AKAP13: variants seen among roughly 807,000 people sequenced by gnomAD.
AKAP13 encodes A-kinase anchoring protein 13.
AKAP13 carries 80 observed loss-of-function variants against 264.5 expected under a neutral mutation model. The ratio of observed to expected loss-of-function variants is 0.30; its 90% confidence interval spans 0.25 to 0.36. The LOEUF is 0.36. AKAP13 is among the 10% of genes least tolerant of loss of function. The probability of loss-of-function intolerance (pLI) is 1.00; values close to 1 mark genes in which losing one functional copy is unlikely to be tolerated. For missense variants in AKAP13, 3,712 were observed against 3,435.2 expected (o/e 1.08, Z -2.01); for synonymous variants, 1,380 against 1,250.2 (o/e 1.10, Z -2.19).
rs1567038735 is a variant in AKAP13, at chr15:85,399,535, A to AAAAAAAAAT, written c.-12+18740_-12+18741insAAAAATAAA. ...AAAAAAAAAAAAATAAAAAAATAAA[A>AAAAAAAAAT]AAATAAATAAATAAATAAATAAAGT... On this transcript the variant is annotated intron_variant, in intron 1 of 36. Coordinates refer to ENST00000394518, the MANE Select transcript of AKAP13 (RefSeq NM_007200.5). Among the ~76,000 whole-genome samples the AAAAAAAAAT allele has an allele frequency of 4.9e-4, 52 of 105,586 alleles. 1 individual carries two copies. Among genetic ancestry groups the AAAAAAAAAT allele is most frequent in the African/African-American group, 1.5e-3 (36 of 24,584 alleles). The allele number at this position is 105,586 out of a possible 152,430, so 69.3% of individuals were successfully genotyped here. A position where few individuals can be genotyped will look rare whatever the true frequency, so the allele number is the denominator to read the frequency against.
At chr15:85,613,687 A>T (rs796902021) in intron 8 of AKAP13, among the ~76,000 whole-genome samples, 10,116 of 62,186 alleles carry the variant, frequency 0.16, 1,312 homozygotes, top group East Asian at 0.43. Flanking sequence ...TCTAAAAAAA[A>T]AAAAATATAT....
intron 5 of AKAP13, among the ~76,000 whole-genome samples, chr15:85,567,941 G>GGTGTGTGTGTGT (rs57049395): frequency 0.03 from 4,259 of 141,864 alleles, 92 homozygotes; most frequent in Non-Finnish European, 0.039. Flanking sequence ...AGCCCAAAGA[G>GGTGTGTGTGTGT]GTGTGTGTGT....
intron 19 of AKAP13, among the ~76,000 whole-genome samples, chr15:85,713,873 A>G (rs2086768380): frequency 6.6e-6 from 1 of 152,142 alleles, no homozygotes; most frequent in South Asian, 2.1e-4. Flanking sequence ...CCAGGGAAAA[A>G]TGTTCCCAAG....
intron 16 of AKAP13, among the ~76,000 whole-genome samples, chr15:85,687,643 C>G (rs1025018148): frequency 6.6e-6 from 1 of 151,644 alleles, no homozygotes; most frequent in Non-Finnish European, 1.5e-5. Context: ...TTAGAGTGCC[C>G]TAGTGGCAAC....
chr15:85,697,293 G>A (rs2085618316), intron 17 of AKAP13, among the ~76,000 whole-genome samples: 1 of 152,194 alleles, frequency 6.6e-6, no homozygotes, highest in South Asian at 2.1e-4. Context: ...AAAAGGGGCC[G>A]GGCGCAGTGG....
intron 1 of AKAP13, among the ~76,000 whole-genome samples, chr15:85,474,547 T>C (rs1028361786): frequency 2.0e-5 from 3 of 152,204 alleles, no homozygotes; most frequent in Non-Finnish European, 4.4e-5. Context: ...AATTCCCCAT[T>C]AGAAATAAAA....
At chr15:85,617,256 G>GT (rs979911025) in intron 8 of AKAP13, among the ~76,000 whole-genome samples, 1 of 151,080 alleles carries the variant, frequency 6.6e-6, no homozygotes, top group Non-Finnish European at 1.5e-5. Context: ...TTTGTTTTTT[G>GT]TTTTTTGAGG....
intron 5 of AKAP13, among the ~76,000 whole-genome samples, chr15:85,569,040 G>C (rs976789198): frequency 2.0e-5 from 3 of 152,202 alleles, no homozygotes; most frequent in African/African-American, 7.2e-5. Context: ...AACATGTTCA[G>C]AATGTTCTGA....
At chr15:85,388,126 C>G (rs916094405) in intron 1 of AKAP13, among the ~76,000 whole-genome samples, 1 of 151,992 alleles carries the variant, frequency 6.6e-6, no homozygotes, top group Admixed American at 6.6e-5. Flanking sequence ...CCTGTGGCCC[C>G]CCAGGTTCAA....
At chr15:85,731,766 A>G (rs924921540) in intron 30 of AKAP13, among the ~76,000 whole-genome samples, 2 of 152,040 alleles carry the variant, frequency 1.3e-5, no homozygotes, top group Non-Finnish European at 2.9e-5. Flanking sequence ...CATAGTTTTT[A>G]TTATGGACTC....
chr15:85,605,445 G>T (rs2080280657), intron 8 of AKAP13, among the ~76,000 whole-genome samples: 1 of 152,090 alleles, frequency 6.6e-6, no homozygotes, highest in Non-Finnish European at 1.5e-5. Flanking sequence ...ATGCAGGGAG[G>T]GAAACAACAC....
intron 2 of AKAP13, among the ~76,000 whole-genome samples, chr15:85,491,332 G>A (rs1429588153): frequency 6.6e-6 from 1 of 151,870 alleles, no homozygotes; most frequent in Admixed American, 6.6e-5. Context: ...ATGTGGATCT[G>A]CTGACCCTGG....
At chr15:85,432,367 T>TAA (rs896840084) in intron 1 of AKAP13, among the ~76,000 whole-genome samples, 2 of 145,080 alleles carry the variant, frequency 1.4e-5, no homozygotes, top group South Asian at 2.2e-4. Flanking sequence ...CTGCAAATCT[T>TAA]AAAAAAAAAA....
At chr15:85,594,916 T>C (rs922019599) in intron 8 of AKAP13, among the ~76,000 whole-genome samples, 2 of 152,202 alleles carry the variant, frequency 1.3e-5, no homozygotes, top group African/African-American at 4.8e-5. Flanking sequence ...TATATGGAGT[T>C]GTCTACTTTA....
At chr15:85,741,537 A>G in intron 35 of AKAP13, 42 bp downstream of exon 35, 1 of 1,524,922 alleles carries the variant, frequency 6.6e-7, no homozygotes, top group South Asian at 1.3e-5. Flanking sequence ...TGATGATATT[A>G]ATTAAGACCC....
At chr15:85,662,762 G>A (rs570451813) in intron 12 of AKAP13, among the ~76,000 whole-genome samples, 6 of 152,246 alleles carry the variant, frequency 3.9e-5, no homozygotes, top group African/African-American at 1.4e-4. Context: ...GGAACCCGAA[G>A]AAAACAATCA....
chr15:85,506,702 C>T (rs1188237263), intron 2 of AKAP13, among the ~76,000 whole-genome samples: 1 of 152,086 alleles, frequency 6.6e-6, no homozygotes, highest in Non-Finnish European at 1.5e-5. Flanking sequence ...ATATGAAGAC[C>T]AATGGTTATT....
In AKAP13 at chr15:85,747,050, T is replaced by C. The variant is rs1239083919; in HGVS notation, c.*2373T>C. The C allele has an allele frequency of 1.3e-5, 2 of 152,182 alleles. No homozygotes were observed. Among genetic ancestry groups the C allele is most frequent in the Non-Finnish European group, 2.9e-5 (2 of 68,036 alleles). 9.4% of individuals were successfully genotyped at this position (152,182 alleles called of 1,614,324 possible). ...TTGTTTTGGTGGTCTTTTTTAAAAA[T>C]AGAGATTTCACATCTGCCCAGACCC... On this transcript the variant is annotated 3_prime_UTR_variant, in exon 37 of 37. Coordinates refer to ENST00000394518, the MANE Select transcript of AKAP13 (RefSeq NM_007200.5).
intron 9 of AKAP13, among the ~76,000 whole-genome samples, chr15:85,644,649 A>G (rs1402877453): frequency 6.9e-6 from 1 of 144,160 alleles, no homozygotes; most frequent in Non-Finnish European, 1.5e-5. Context: ...GGAGATGGAG[A>G]TCATCCTGGC....
Sources: gnomAD v4.1 joint callset for allele counts (sites outside exome capture counted in the v4.1 genomes callset) on GRCh38, gnomAD v4.1.1 for gene constraint, MANE v1.5 for transcripts, NCBI Gene and HGNC (gene_info 2026-07-23, HGNC 2026-07-21) for gene names.